The following MCM9 variants were observed in gnomAD, a reference collection of about 807,000 sequenced individuals.
The protein encoded by MCM9 is DNA helicase MCM9.
Under a neutral mutation model 72.8 loss-of-function variants are expected in MCM9, and 55 were observed. That is an observed-to-expected ratio of 0.76 (90% CI 0.61 to 0.95). The LOEUF (loss-of-function observed/expected upper bound fraction) is 0.95. Among genes scored for constraint, MCM9 ranks in the 40% least tolerant of loss-of-function variants. The pLI, the probability that MCM9 is intolerant of heterozygous loss-of-function variation, is 0.00. For missense variants in MCM9, 1,279 were observed against 1,377.0 expected (o/e 0.93, Z 1.13); for synonymous variants, 480 against 503.4 (o/e 0.95, Z 0.62).
chr6:118,861,526 T>A (rs1776904148), intron 8 of MCM9, among the ~76,000 whole-genome samples: 1 of 152,156 alleles, frequency 6.6e-6, no homozygotes, highest in Non-Finnish European at 1.5e-5. Context: ...AGGAGCTTCA[T>A]GAGTTACAGA....
intron 9 of MCM9, among the ~76,000 whole-genome samples, chr6:118,851,038 C>T (rs1384714545): frequency 6.6e-6 from 1 of 151,580 alleles, no homozygotes; most frequent in Admixed American, 6.6e-5. Context: ...TCAGTCTGGT[C>T]TTGAACTCCT....
intron 8 of MCM9, among the ~76,000 whole-genome samples, chr6:118,867,879 C>CTTTT (rs1554258631): frequency 0.18 from 24,972 of 137,062 alleles, 3,518 homozygotes; most frequent in Non-Finnish European, 0.25. Context: ...TTTTCTTTTT[C>CTTTT]TTTTTCTTTT....
At chr6:118,859,908 A>C (rs1776798855) in intron 8 of MCM9, among the ~76,000 whole-genome samples, 1 of 152,218 alleles carries the variant, frequency 6.6e-6, no homozygotes, top group Admixed American at 6.5e-5. Context: ...AATATGCAAA[A>C]AACTGAGAAG....
intron 8 of MCM9, among the ~76,000 whole-genome samples, chr6:118,858,401 A>G (rs931204157): frequency 1.3e-5 from 2 of 152,156 alleles, no homozygotes; most frequent in Non-Finnish European, 2.9e-5. Flanking sequence ...TATATTTAAC[A>G]TACTTAGTGA....
intron 9 of MCM9, among the ~76,000 whole-genome samples, chr6:118,841,927 C>T (rs1428464425): frequency 4.0e-5 from 6 of 151,782 alleles, no homozygotes; most frequent in South Asian, 2.1e-4. Context: ...CTCCGCCTCC[C>T]GGGTTCAAGC....
At chr6:118,912,583 T>G (rs1253877746) in intron 7 of MCM9, 1 of 152,214 alleles carries the variant, frequency 6.6e-6, no homozygotes, top group Non-Finnish European at 1.5e-5. Flanking sequence ...TAAGGACGCC[T>G]TATACTTACT....
At chr6:118,838,311 C>T (rs376899206) in intron 9 of MCM9, among the ~76,000 whole-genome samples, 5 of 151,092 alleles carry the variant, frequency 3.3e-5, no homozygotes, top group East Asian at 1.9e-4. Context: ...TACAGGCACC[C>T]GCCACCACGC....
In MCM9 at chr6:118,922,022, A is replaced by C. The variant is rs200078427; in HGVS notation, c.686T>G (p.Val229Gly). 179 of 1,612,836 alleles carry C rather than the reference A, an allele frequency of 1.1e-4. No individual in the cohort carries two copies. Among genetic ancestry groups the C allele is most frequent in the Non-Finnish European group, 1.3e-4 (150 of 1,179,420 alleles). The change falls in exon 5 of 14, where the codon GTG (valine) becomes GGG (glycine). Residue 229 changes from valine (V) to glycine (G), a missense_variant. By Grantham distance (109) the Val-to-Gly change is moderately radical. Transcript: ENST00000619706. ...SMKVILEDDL[V>G]DSCKSGDDLT... is the part of the protein sequence containing the mutation. ...CTTCTTACCAGATTTGCAACTATCC[A>C]CTAAGTCATCTTCCAGAATAACCTT...
rs563232923 is a variant in MCM9, at chr6:118,848,664, C to T, written c.1325+7707G>A. On this transcript the variant is annotated intron_variant, in intron 9 of 13. Transcript: ENST00000619706. Reference sequence around the variant, plus strand: ...TGCAGCCAGGCGCAGTGGCTCACTCCTGTAATCCTAGCACTTTGGGAGGCT... The same window carrying T: ...TGCAGCCAGGCGCAGTGGCTCACTCTTGTAATCCTAGCACTTTGGGAGGCT... 4.7e-4 allele frequency among the ~76,000 whole-genome samples: 70 copies of T among 149,496 alleles called. 1 individual carries two copies. The highest frequency in any genetic ancestry group is 1.7e-3 in the African/African-American group (68 of 38,914).
intron 8 of MCM9, among the ~76,000 whole-genome samples, chr6:118,878,869 C>A (rs972879722): frequency 2.0e-5 from 3 of 152,076 alleles, no homozygotes; most frequent in Admixed American, 1.3e-4. Flanking sequence ...CCAGCCTGGG[C>A]AACATGACAA....
intron 8 of MCM9, among the ~76,000 whole-genome samples, chr6:118,886,161 G>GGGGCCC: frequency 6.6e-6 from 1 of 151,076 alleles, no homozygotes; most frequent in African/African-American, 2.4e-5. Flanking sequence ...AACAAACTAA[G>GGGGCCC]AACAAAAAGG....
chr6:118,875,145 A>G (rs1282324593), intron 8 of MCM9, among the ~76,000 whole-genome samples: 4 of 152,220 alleles, frequency 2.6e-5, no homozygotes, highest in African/African-American at 9.6e-5. Context: ...ATTACCATTT[A>G]CATTAGTCCC....
At chr6:118,835,928 T>C (rs1774925458) in intron 9 of MCM9, among the ~76,000 whole-genome samples, 1 of 152,146 alleles carries the variant, frequency 6.6e-6, no homozygotes, top group African/African-American at 2.4e-5. Context: ...CTTGTGCCAG[T>C]TTTCAAGGGG....
At position 118,935,112 on chromosome 6, in the gene MCM9, C is replaced by T. The variant is rs904306379; in HGVS notation, c.-371G>A. The T allele has an allele frequency of 3.9e-5, 6 of 152,258 alleles. No individual in the cohort carries two copies. Among genetic ancestry groups the T allele is most frequent in the Admixed American group, 1.3e-4 (2 of 15,294 alleles). The allele number at this position is 152,258 out of a possible 1,614,324, so 9.4% of individuals were successfully genotyped here. A position where few individuals can be genotyped will look rare whatever the true frequency, so the allele number is the denominator to read the frequency against. The stretch of plus-strand genomic sequence containing the variant: ...CCGGGCCTGCGCTCTCGACCGACGC[C>T]GGGCCGCGCACCGCCTCAACTTCCC... On this transcript the variant is annotated 5_prime_UTR_variant, in exon 1 of 14. Transcript: ENST00000619706.
chr6:118,923,259 C>T (rs79909416), intron 4 of MCM9, among the ~76,000 whole-genome samples: 1,582 of 151,718 alleles, frequency 0.01, 30 homozygotes, highest in African/African-American at 0.036. Context: ...TGGGTCCAAA[C>T]TCCATATCTT....
chr6:118,899,862 C>T (rs143458262), intron 8 of MCM9, among the ~76,000 whole-genome samples: 3,197 of 152,210 alleles, frequency 0.021, 53 homozygotes, highest in Middle Eastern at 0.037. Flanking sequence ...AGAGGCAGGC[C>T]ACACAGTGCA....
chr6:118,881,870 C>A (rs1778308148), intron 8 of MCM9, among the ~76,000 whole-genome samples: 1 of 152,162 alleles, frequency 6.6e-6, no homozygotes. Flanking sequence ...CTGCTTCCTG[C>A]CTCTCCCCTT....
At chr6:118,880,042 A>AAAC (rs1281291107) in intron 8 of MCM9, among the ~76,000 whole-genome samples, 8 of 151,198 alleles carry the variant, frequency 5.3e-5, no homozygotes, top group African/African-American at 1.7e-4. Flanking sequence ...ACAAACAAAC[A>AAAC]AACAACAACA....
chr6:118,819,852 G>C (rs1773673658), intron 13 of MCM9, among the ~76,000 whole-genome samples: 1 of 151,890 alleles, frequency 6.6e-6, no homozygotes, highest in South Asian at 2.1e-4. Context: ...GTCTTGGGAG[G>C]GTTTATGTGT....
Sources: allele counts gnomAD v4.1 joint callset (sites outside exome capture counted in the v4.1 genomes callset), GRCh38; gene constraint gnomAD v4.1.1; transcripts MANE v1.5; gene names NCBI Gene and HGNC (gene_info 2026-07-23, HGNC 2026-07-21).